ANKRD24: variants seen among roughly 807,000 people sequenced by gnomAD.
ANKRD24 encodes the protein ankyrin repeat domain 24, also known as ankyrin repeat domain-containing protein 24.
A neutral mutation model predicts 127.8 loss-of-function variants in ANKRD24; 109 were observed. That is an observed-to-expected ratio of 0.85 (90% confidence interval 0.73 to 1.00). The LOEUF (loss-of-function observed/expected upper bound fraction) is 1.00. Ranked by LOEUF, ANKRD24 falls within the 50% of genes least tolerant of loss-of-function variation. ANKRD24 has a pLI of 0.00. For missense variants in ANKRD24, 1,648 were observed against 1,570.2 expected, an observed-to-expected ratio of 1.05 and a Z score of -0.84; for synonymous variants, 743 against 671.1, an observed-to-expected ratio of 1.11 and a Z score of -1.66.
At chr19:4,211,997 G>A (rs1969767431) in intron 13 of ANKRD24, among the ~76,000 whole-genome samples, 1 of 152,062 alleles carries the variant, frequency 6.6e-6, no homozygotes, top group South Asian at 2.1e-4. Flanking sequence ...TCAGCAGATC[G>A]AGACCATCCT....
At chr19:4,211,225 A>T (rs1028433140) in intron 13 of ANKRD24, among the ~76,000 whole-genome samples, 2 of 152,218 alleles carry the variant, frequency 1.3e-5, no homozygotes, top group Non-Finnish European at 2.9e-5. Context: ...GAGGGCAGGC[A>T]TGGCTGATGG....
chr19:4,191,668 G>A (rs940072315), intron 2 of ANKRD24, among the ~76,000 whole-genome samples: 1 of 151,284 alleles, frequency 6.6e-6, no homozygotes, highest in Non-Finnish European at 1.5e-5. Flanking sequence ...TTTTAGTAGA[G>A]ACGGGGTTTC....
In ANKRD24 at chr19:4,199,563, G is replaced by A; in HGVS notation, c.37-120G>A. 3 of 1,434,462 alleles carry A rather than the reference G, an allele frequency of 2.1e-6. No homozygotes were observed. Among genetic ancestry groups the A allele is most frequent in the Non-Finnish European group, 2.7e-6 (3 of 1,098,636 alleles). The allele number at this position is 1,434,462 out of a possible 1,614,324, so 88.9% of individuals were successfully genotyped here. On this transcript the variant is annotated intron_variant, in intron 2 of 21. Coordinates refer to ENST00000318934, the MANE Select transcript of ANKRD24 (RefSeq NM_001393985.1). This position sits in a 1 kb window ranked among gnomAD's most constrained non-coding sequence, Gnocchi z 5.2. ...GCCAGGGGGCTGCTCAGGGGATGAT[G>A]CTGGTGGTGGGCTTTTGTTGGACAA...
At chr19:4,224,035 C>T in intron 20 of ANKRD24, 92 bp from the exon 21 acceptor site, 1 of 976,854 alleles carries the variant, frequency 1.0e-6, no homozygotes, top group Non-Finnish European at 1.5e-6. Context: ...CATCAACGTA[C>T]AGGCTTGGGG....
intron 2 of ANKRD24, 107 bp downstream of exon 2, chr19:4,186,568 C>T: frequency 7.8e-7 from 1 of 1,276,792 alleles, no homozygotes; most frequent in South Asian, 1.3e-5. Context: ...CACCTCTTCT[C>T]CTTTCCTCTC....
In ANKRD24 at chr19:4,217,522, C is replaced by A; in HGVS notation, c.2362C>A (p.Arg788=). The change falls in exon 18 of 22, where the codon CGG becomes AGG. Residue 788 remains arginine, a synonymous_variant. Coordinates refer to ENST00000318934, the MANE Select transcript of ANKRD24 (RefSeq NM_001393985.1). ...GGGGGDTTQL[R]AALEQAREDL... Reference sequence around the variant, plus strand: ...CGGTGGCGGTGACACCACACAGCTGCGGGCGGCCCTGGAGCAGGCCCGGGA... The same window carrying A: ...CGGTGGCGGTGACACCACACAGCTGAGGGCGGCCCTGGAGCAGGCCCGGGA... 1 of 1,365,712 alleles carries A rather than the reference C, an allele frequency of 7.3e-7. No individual in the cohort carries two copies. The highest frequency in any genetic ancestry group is 3.1e-5 in the East Asian group (1 of 32,690). The allele number at this position is 1,365,712 out of a possible 1,614,324, so 84.6% of individuals were successfully genotyped here.
At chr19:4,194,965 G>A (rs755325539) in intron 2 of ANKRD24, among the ~76,000 whole-genome samples, 16 of 150,810 alleles carry the variant, frequency 1.1e-4, no homozygotes, top group East Asian at 3.9e-4. Context: ...CATTTGCTCT[G>A]ATTGATTGAT....
Position 4,210,334 on chromosome 19 carries a change from C to T in ANKRD24, c.1021C>T (p.Arg341Trp), listed in dbSNP as rs374562535. ...QERGRLLQKI[R>W]GLEQHKERRQ... Reference sequence around the variant, plus strand: ...GAGGGGCCGCCTCCTGCAGAAGATCCGGGGCCTGGAACAGCACAAGGAACG... The same window carrying T: ...GAGGGGCCGCCTCCTGCAGAAGATCTGGGGCCTGGAACAGCACAAGGAACG... The change falls in exon 13 of 22, where the codon CGG becomes TGG. Residue 341 changes from arginine (R) to tryptophan (W), a missense_variant. By Grantham distance (101) the Arg-to-Trp change is moderately radical. Coordinates refer to ENST00000318934, the MANE Select transcript of ANKRD24 (RefSeq NM_001393985.1). The T allele has an allele frequency of 8.9e-4, 1,403 of 1,576,142 alleles. 16 individuals are homozygous for T. The South Asian group carries it at 0.015, about 17-fold the overall frequency.
chr19:4,204,366 T>C (rs954099980), intron 7 of ANKRD24, among the ~76,000 whole-genome samples: 1 of 152,182 alleles, frequency 6.6e-6, no homozygotes, highest in East Asian at 1.9e-4. Context: ...CAGATGAGGC[T>C]TGATGAGGCT....
At chr19:4,203,328 C>A (rs980820094) in intron 7 of ANKRD24, among the ~76,000 whole-genome samples, 1 of 152,044 alleles carries the variant, frequency 6.6e-6, no homozygotes, top group Non-Finnish European at 1.5e-5. Context: ...GGATTACAGG[C>A]GTGAGCCACC....
chr19:4,196,726 CCA>C (rs1207660324), intron 2 of ANKRD24, among the ~76,000 whole-genome samples: 1 of 152,162 alleles, frequency 6.6e-6, no homozygotes, highest in Non-Finnish European at 1.5e-5. Flanking sequence ...TGGCTGTGCC[CCA>C]GAGTCTCCAG....
In ANKRD24 at chr19:4,218,149, G is replaced by A. The variant is rs1195801120; in HGVS notation, c.2989G>A (p.Ala997Thr). The A allele has an allele frequency of 3.3e-6, 5 of 1,513,228 alleles. No homozygotes were observed. Among genetic ancestry groups the A allele is most frequent in the Admixed American group, 2.1e-5 (1 of 47,080 alleles). 93.7% of individuals were successfully genotyped at this position (1,513,228 alleles called of 1,614,324 possible). A position where few individuals can be genotyped will look rare whatever the true frequency, so the allele number is the denominator to read the frequency against. ...GGGACGGCGGCATGAGAAGACCAGCGCAGAGGTCTTCCAGGTGAGCAGGGC... is the reference window on the plus strand; with the variant it reads ...GGGACGGCGGCATGAGAAGACCAGCACAGAGGTCTTCCAGGTGAGCAGGGC... ...ELGRRHEKTS[A>T]EVFQVQREAL... Residue 997 changes from alanine to threonine, a missense_variant, in exon 18 of 22, where the codon GCA becomes ACA. Transcript: ENST00000318934.
At chr19:4,209,068 C>A in intron 11 of ANKRD24, 1 of 391,286 alleles carries the variant, frequency 2.6e-6, no homozygotes, top group Non-Finnish European at 4.6e-6. Context: ...TTGGTGTCTT[C>A]GGGGAAGGAA....
intron 2 of ANKRD24, among the ~76,000 whole-genome samples, chr19:4,197,033 A>G (rs1968784808): frequency 6.6e-6 from 1 of 152,130 alleles, no homozygotes. Context: ...CGCTTACTGT[A>G]TGCTAGGCAC....
intron 2 of ANKRD24, chr19:4,197,993 ATGAG>A (rs1968851082): frequency 2.5e-6 from 1 of 403,808 alleles, no homozygotes; most frequent in Non-Finnish European, 4.4e-6. Flanking sequence ...GAACGAATGA[ATGAG>A]TGAATGAATG....
chr19:4,212,383 GA>G, intron 13 of ANKRD24, 91 bp from the exon 14 acceptor site: 1 of 1,430,340 alleles, frequency 7.0e-7, no homozygotes. Flanking sequence ...TGGAATGCGT[GA>G]ATGTGCATGG....
chr19:4,207,551 G>A lies in ANKRD24; in HGVS notation c.588G>A (p.Leu196=). The change falls in exon 9 of 22, where the codon CTG becomes CTA. Residue 196 remains leucine, a synonymous_variant. Coordinates refer to ENST00000318934, the MANE Select transcript of ANKRD24 (RefSeq NM_001393985.1). ...CAGCTCAGATGTGTCACACAGACCTGTGCCGTCTCCTACTGCAGCAAGGGG... is the reference window on the plus strand; with the variant it reads ...CAGCTCAGATGTGTCACACAGACCTATGCCGTCTCCTACTGCAGCAAGGGG... ...IIAAQMCHTD[L]CRLLLQQGAA... 1 of 1,613,926 alleles carries A rather than the reference G, an allele frequency of 6.2e-7. No individual in the cohort carries two copies. The highest frequency in any genetic ancestry group is 8.5e-7 in the Non-Finnish European group (1 of 1,179,898).
chr19:4,183,075 TTC>T (rs1211562580), intron 1 of ANKRD24, among the ~76,000 whole-genome samples: 2 of 150,832 alleles, frequency 1.3e-5, no homozygotes, highest in Admixed American at 6.6e-5. Flanking sequence ...GCCTCTTGGG[TTC>T]AAGCGATTCT....
intron 13 of ANKRD24, 59 bp from the exon 14 acceptor site, chr19:4,212,416 G>C: frequency 6.5e-7 from 1 of 1,539,070 alleles, no homozygotes; most frequent in South Asian, 1.2e-5. Context: ...TGAAGCAGGA[G>C]GTGGGGCAGG....
Sources: allele counts gnomAD v4.1 joint callset (sites outside exome capture counted in the v4.1 genomes callset), GRCh38; gene constraint gnomAD v4.1.1; non-coding constraint Gnocchi (gnomAD v3.1); transcripts MANE v1.5; gene names NCBI Gene and HGNC (gene_info 2026-07-23, HGNC 2026-07-21).